Variants in MCM9 observed in about 807,000 individuals in gnomAD.
MCM9 encodes the protein minichromosome maintenance 9 homologous recombination repair factor.
A neutral mutation model predicts 72.8 loss-of-function variants in MCM9; 55 were observed. That is an observed-to-expected ratio of 0.76 (90% CI 0.61 to 0.95). The LOEUF (loss-of-function observed/expected upper bound fraction) is 0.95. Among genes scored for constraint, MCM9 ranks in the 40% least tolerant of loss-of-function variants. MCM9 has a pLI of 0.00. For missense variants in MCM9, 1,279 were observed against 1,377.0 expected, an observed-to-expected ratio of 0.93 and a Z score of 1.13; for synonymous variants, 480 against 503.4, an observed-to-expected ratio of 0.95 and a Z score of 0.62.
chr6:118,819,579 TTC>T lies in MCM9; in HGVS notation c.1962-3287_1962-3286del, dbSNP rs540460293. On this transcript the variant is annotated intron_variant, in intron 13 of 13. Coordinates refer to ENST00000619706, the MANE Select transcript of MCM9 (RefSeq NM_017696.3). Reference sequence around the variant, plus strand: ...TCATCAGGGATACTGGCCCGAAATTTTCTTTTTTTATTGTCTCTCTGCCAGGT... The same window carrying T: ...TCATCAGGGATACTGGCCCGAAATTTTTTTTTTATTGTCTCTCTGCCAGGT... Among the ~76,000 whole-genome samples the T allele has an allele frequency of 2.4e-3, 366 of 152,198 alleles. 3 individuals are homozygous for T. The highest frequency in any genetic ancestry group is 8.6e-3 in the African/African-American group (358 of 41,492).
chr6:118,933,074 CG>C (rs1562443597), intron 1 of MCM9, among the ~76,000 whole-genome samples: 1 of 152,096 alleles, frequency 6.6e-6, no homozygotes, highest in African/African-American at 2.4e-5. Context: ...GCAAATAAAA[CG>C]AAACAGTGCA....
chr6:118,835,002 C>A (rs915450650), intron 9 of MCM9, among the ~76,000 whole-genome samples: 2 of 152,116 alleles, frequency 1.3e-5, no homozygotes, highest in Non-Finnish European at 2.9e-5. Flanking sequence ...ACGTTTAAGC[C>A]TTTAATCCAT....
chr6:118,831,589 C>G (rs576018712), intron 9 of MCM9, among the ~76,000 whole-genome samples: 13 of 151,934 alleles, frequency 8.6e-5, no homozygotes, highest in African/African-American at 3.1e-4. Flanking sequence ...CATATGTAAA[C>G]CTGGTGGGTA....
chr6:118,894,525 G>A, intron 8 of MCM9: 2 of 1,536,254 alleles, frequency 1.3e-6, no homozygotes, highest in Non-Finnish European at 1.7e-6. Context: ...GTCTGAAGGT[G>A]AGTGCGGCGC....
chr6:118,869,595 T>G (rs1428435362), intron 8 of MCM9, among the ~76,000 whole-genome samples: 1 of 10,234 alleles, frequency 9.8e-5, no homozygotes, highest in Non-Finnish European at 4.2e-4. Context: ...AAACAAAGGA[T>G]TTACAAAAAA....
intron 13 of MCM9, among the ~76,000 whole-genome samples, chr6:118,819,620 T>C (rs1773654057): frequency 6.6e-6 from 1 of 152,244 alleles, no homozygotes. Context: ...GGAATCAGGA[T>C]GATGCTGGCC....
rs1185278584 is a variant in MCM9 at position 118,826,214 on chromosome 6, A to T, written c.1894T>A (p.Cys632Ser). The T allele has an allele frequency of 6.5e-7, 1 of 1,550,362 alleles. No homozygotes were observed. Among genetic ancestry groups the T allele is most frequent in the Non-Finnish European group, 8.7e-7 (1 of 1,146,944 alleles). ...ENPGEQYQRQCELILEKLELQ... is the reference protein window; with the variant it reads ...ENPGEQYQRQSELILEKLELQ... ...TCTAGCTTTTCCAGAATAAGTTCAC[A>T]CTGTCTCTGGTACTGCTCTCCAGGG... The change falls in exon 13 of 14, where the codon TGT (cysteine) becomes AGT (serine). Residue 632 changes from cysteine to serine, a missense_variant. Coordinates refer to ENST00000619706, the MANE Select transcript of MCM9 (RefSeq NM_017696.3).
chr6:118,818,597 T>A (rs1773567152), intron 13 of MCM9, among the ~76,000 whole-genome samples: 1 of 152,296 alleles, frequency 6.6e-6, no homozygotes, highest in South Asian at 2.1e-4. Context: ...CTTAGGATTA[T>A]CATGGCTATA....
In MCM9 at chr6:118,921,276, A is replaced by T. The variant is rs563968925; in HGVS notation, c.703+729T>A. The T allele has an allele frequency of 4.6e-5, 7 of 152,348 alleles. No homozygotes were observed. The South Asian group carries it at 1.2e-3, about 27-fold the overall frequency. The allele number at this position is 152,348 out of a possible 1,614,324, so 9.4% of individuals were successfully genotyped here. On this transcript the variant is annotated intron_variant, in intron 5 of 13. Coordinates refer to ENST00000619706, the MANE Select transcript of MCM9 (RefSeq NM_017696.3). The stretch of plus-strand genomic sequence containing the variant: ...CCTCTAATTATTAGGTATTGAGTCA[A>T]AATCTACCTCCTTGTGGCTTACCCC...
At chr6:118,864,478 A>T (rs1027111939) in intron 8 of MCM9, among the ~76,000 whole-genome samples, 14 of 152,072 alleles carry the variant, frequency 9.2e-5, no homozygotes, top group African/African-American at 3.4e-4. Flanking sequence ...CCACAAAAGC[A>T]CCAAATAAAC....
At chr6:118,825,268 C>T (rs1321106524) in intron 13 of MCM9, among the ~76,000 whole-genome samples, 4 of 152,072 alleles carry the variant, frequency 2.6e-5, no homozygotes, top group South Asian at 2.1e-4. Flanking sequence ...GAAAGAGGGG[C>T]GAATTTTATA....
At chr6:118,875,515 G>T (rs1376157085) in intron 8 of MCM9, among the ~76,000 whole-genome samples, 2 of 151,788 alleles carry the variant, frequency 1.3e-5, no homozygotes, top group African/African-American at 4.8e-5. Flanking sequence ...ATGTGTCTAT[G>T]GTCCCAGCTA....
intron 8 of MCM9, among the ~76,000 whole-genome samples, chr6:118,868,261 C>CT (rs1446755671): frequency 1.3e-5 from 2 of 151,992 alleles, no homozygotes; most frequent in African/African-American, 4.8e-5. Context: ...TATAAAAAGA[C>CT]AAAGTATGAC....
chr6:118,829,787 T>A (rs1774406150), intron 9 of MCM9, among the ~76,000 whole-genome samples: 1 of 149,624 alleles, frequency 6.7e-6, no homozygotes, highest in Non-Finnish European at 1.5e-5. Context: ...TGAGGATGAC[T>A]CTGGAGAATA....
chr6:118,840,113 C>G (rs1032007810), intron 9 of MCM9, among the ~76,000 whole-genome samples: 2 of 152,000 alleles, frequency 1.3e-5, no homozygotes, highest in African/African-American at 2.4e-5. Context: ...TTCTGAGATG[C>G]CCTGTCCAGA....
chr6:118,888,734 T>C (rs957708408), intron 8 of MCM9, among the ~76,000 whole-genome samples: 16 of 152,154 alleles, frequency 1.1e-4, no homozygotes, highest in Non-Finnish European at 1.8e-4. Context: ...AATGGAAAAT[T>C]ATTGGGTAAT....
chr6:118,931,604 A>C lies in MCM9; in HGVS notation c.120T>G (p.Val40=). The part of the protein sequence containing the change: ...KERDEDAHYP[V]VVNAMTLFET... ...CAAACAGAGTCATGGCATTAACCAC[A>C]ACTGGGTAATGAGCATCTTCATCCC... The change falls in exon 3 of 14, where the codon GTT becomes GTG. Residue 40 remains valine (V), a synonymous_variant. Coordinates refer to ENST00000619706, the MANE Select transcript of MCM9 (RefSeq NM_017696.3). 1.2e-6 allele frequency: 2 copies of C among 1,614,144 alleles called. No homozygotes were observed. The highest frequency in any genetic ancestry group is 1.1e-5 in the South Asian group (1 of 91,076).
intron 13 of MCM9, among the ~76,000 whole-genome samples, chr6:118,822,695 A>G (rs1035303439): frequency 6.6e-6 from 1 of 152,136 alleles, no homozygotes; most frequent in Non-Finnish European, 1.5e-5. Context: ...GGCAGGCAGG[A>G]AAGTTTTAGT....
rs73766838 is a variant in MCM9 at position 118,917,916 on chromosome 6, C to G, written c.704-155G>C. 3.1e-4 allele frequency: 191 copies of G among 625,720 alleles called. 2 individuals are homozygous for G. In the African/African-American group the frequency reaches 3.3e-3, roughly 11 times the overall value. 38.8% of individuals were successfully genotyped at this position (625,720 alleles called of 1,614,324 possible). On this transcript the variant is annotated intron_variant, in intron 5 of 13. Coordinates refer to ENST00000619706, the MANE Select transcript of MCM9 (RefSeq NM_017696.3). ...AGAAAACAATTCAGGGGCAGAATAGCACCCCAGATTCTTGACTGTTGTCCC... is the reference window on the plus strand; with the variant it reads ...AGAAAACAATTCAGGGGCAGAATAGGACCCCAGATTCTTGACTGTTGTCCC...
Sources: gnomAD v4.1 joint callset for allele counts (sites outside exome capture counted in the v4.1 genomes callset) on GRCh38, gnomAD v4.1.1 for gene constraint, MANE v1.5 for transcripts, NCBI Gene and HGNC (gene_info 2026-07-23, HGNC 2026-07-21) for gene names.